SLC24A2: variants seen among roughly 807,000 people sequenced by gnomAD.
SLC24A2 encodes sodium/potassium/calcium exchanger 2.
A neutral mutation model predicts 62.0 loss-of-function variants in SLC24A2; 36 were observed. That is an observed-to-expected ratio of 0.58 (90% confidence interval 0.44 to 0.77). The LOEUF (loss-of-function observed/expected upper bound fraction) is 0.77, where lower values mean the gene tolerates loss of function less well. SLC24A2 is among the 30% of genes least tolerant of loss of function. The pLI is 0.00. For synonymous variants in SLC24A2, 358 were observed against 294.0 expected (o/e 1.22, Z -2.23); for missense variants, 846 against 817.9 (o/e 1.03, Z -0.42).
chr9:19,686,698 C>CCA (rs1819891835), intron 2 of SLC24A2, among the ~76,000 whole-genome samples: 1 of 152,114 alleles, frequency 6.6e-6, no homozygotes, highest in South Asian at 2.1e-4. Flanking sequence ...GCTTCCTCTT[C>CCA]CACCATGATT....
the SLC24A2 span, among the ~76,000 whole-genome samples, chr9:19,888,007 C>A: frequency 5.9e-5 from 9 of 152,112 alleles, no homozygotes; most frequent in East Asian, 1.9e-4. Flanking sequence ...GGGACAAAAG[C>A]CTACAAATTG....
the SLC24A2 span, among the ~76,000 whole-genome samples, chr9:20,305,111 T>A: frequency 1.2e-5 from 1 of 82,470 alleles, no homozygotes; most frequent in Non-Finnish European, 2.1e-5. Context: ...GGATAATACC[T>A]TTTTTTTTTT....
chr9:19,567,914 C>T (rs1163756010), intron 7 of SLC24A2, among the ~76,000 whole-genome samples: 1 of 152,056 alleles, frequency 6.6e-6, no homozygotes, highest in Non-Finnish European at 1.5e-5. Flanking sequence ...TCTCTATTGC[C>T]ACGGTAAAGA....
At chr9:19,804,837 T>C in the SLC24A2 span, among the ~76,000 whole-genome samples, 2 of 152,144 alleles carry the variant, frequency 1.3e-5, no homozygotes, top group Non-Finnish European at 2.9e-5. Flanking sequence ...TAATTTTTAA[T>C]CATAAAATCA....
intron 8 of SLC24A2, among the ~76,000 whole-genome samples, chr9:19,534,019 A>G (rs1042483540): frequency 6.6e-6 from 1 of 151,688 alleles, no homozygotes; most frequent in Non-Finnish European, 1.5e-5. Context: ...AGCTTTTTTG[A>G]TGGTTATCTC....
At chr9:19,839,847 C>A in the SLC24A2 span, among the ~76,000 whole-genome samples, 3 of 152,096 alleles carry the variant, frequency 2.0e-5, no homozygotes, top group Non-Finnish European at 4.4e-5. Flanking sequence ...GATGTCATAG[C>A]CATTGTGTTA....
chr9:19,862,511 C>T, the SLC24A2 span, among the ~76,000 whole-genome samples: 2 of 152,086 alleles, frequency 1.3e-5, no homozygotes, highest in Non-Finnish European at 2.9e-5. Context: ...ACAAATCTCA[C>T]TGGTAATCGT....
At chr9:20,157,744 A>C in the SLC24A2 span, among the ~76,000 whole-genome samples, 1 of 151,558 alleles carries the variant, frequency 6.6e-6, no homozygotes, top group African/African-American at 2.4e-5. Flanking sequence ...TAAAAAGGAA[A>C]AATATAAAAT....
At chr9:19,606,921 A>G (rs1361514367) in intron 4 of SLC24A2, among the ~76,000 whole-genome samples, 1 of 152,212 alleles carries the variant, frequency 6.6e-6, no homozygotes, top group African/African-American at 2.4e-5. Context: ...TGAGTTTACA[A>G]TATGATCAGC....
the SLC24A2 span, among the ~76,000 whole-genome samples, chr9:19,891,850 T>C: frequency 6.6e-6 from 1 of 152,190 alleles, no homozygotes; most frequent in Non-Finnish European, 1.5e-5. Flanking sequence ...AAACCATGCA[T>C]GAGAGATCAG....
At chr9:19,636,392 T>TCTCC (rs1818354223) in intron 2 of SLC24A2, among the ~76,000 whole-genome samples, 1 of 102,814 alleles carries the variant, frequency 9.7e-6, no homozygotes, top group African/African-American at 4.4e-5. Context: ...TCTTTCTCCC[T>TCTCC]CTCTCTCTCT....
the SLC24A2 span, among the ~76,000 whole-genome samples, chr9:20,069,839 C>G: frequency 1.3e-5 from 2 of 152,142 alleles, no homozygotes; most frequent in South Asian, 4.1e-4. Flanking sequence ...ACTTATCTGT[C>G]TCCTCAGTGG....
the SLC24A2 span, among the ~76,000 whole-genome samples, chr9:19,811,411 A>G: frequency 6.6e-6 from 1 of 152,236 alleles, no homozygotes; most frequent in South Asian, 2.1e-4. Flanking sequence ...TAAATTTGCA[A>G]TGGGTTCATT....
At chr9:19,859,270 C>T in the SLC24A2 span, among the ~76,000 whole-genome samples, 1 of 152,088 alleles carries the variant, frequency 6.6e-6, no homozygotes, top group African/African-American at 2.4e-5. Context: ...ACTGAATGTT[C>T]TCACTTTTAA....
the SLC24A2 span, among the ~76,000 whole-genome samples, chr9:19,848,069 C>A: frequency 6.6e-6 from 1 of 152,210 alleles, no homozygotes; most frequent in Admixed American, 6.5e-5. Context: ...TGATATCAGA[C>A]TGTGTCATAA....
chr9:20,098,725 A>G, the SLC24A2 span, among the ~76,000 whole-genome samples: 6 of 152,238 alleles, frequency 3.9e-5, no homozygotes, highest in Non-Finnish European at 5.9e-5. Context: ...TGATTTCTGG[A>G]GAATCCATGT....
chr9:20,263,861 G>GCCCCA, the SLC24A2 span, among the ~76,000 whole-genome samples: 228 of 30,822 alleles, frequency 7.4e-3, 5 homozygotes, highest in African/African-American at 0.023. Context: ...TATCCCACCC[G>GCCCCA]CCCCCCCCCC....
intron 2 of SLC24A2, among the ~76,000 whole-genome samples, chr9:19,636,210 C>T (rs1215513677): frequency 1.3e-5 from 2 of 152,050 alleles, no homozygotes; most frequent in African/African-American, 2.4e-5. Context: ...CAATACTAAC[C>T]ACACAGACAT....
intron 2 of SLC24A2, among the ~76,000 whole-genome samples, chr9:19,656,241 C>T (rs1239664532): frequency 6.6e-6 from 1 of 152,136 alleles, no homozygotes; most frequent in Non-Finnish European, 1.5e-5. Context: ...GTTGTCAAGG[C>T]TACAACCAAT....
Sources: gnomAD v4.1 joint callset for allele counts (sites outside exome capture counted in the v4.1 genomes callset) on GRCh38, gnomAD v4.1.1 for gene constraint, MANE v1.5 for transcripts, NCBI Gene and HGNC (gene_info 2026-07-23, HGNC 2026-07-21) for gene names.